Variants in SIK2 observed in about 807,000 individuals in gnomAD.
The protein encoded by SIK2 is salt inducible kinase 2, also known as serine/threonine-protein kinase SIK2.
In SIK2, 29 loss-of-function variants were observed where a neutral mutation model predicts 103.2. The ratio of observed to expected loss-of-function variants is 0.28; its 90% CI spans 0.21 to 0.38. SIK2 has a LOEUF of 0.38. Ranked by LOEUF, SIK2 falls within the 10% of genes least tolerant of loss-of-function variation. The pLI is 1.00. For missense variants in SIK2, 879 were observed against 1,171.0 expected, an observed-to-expected ratio of 0.75 and a Z score of 3.64; for synonymous variants, 412 against 446.1, an observed-to-expected ratio of 0.92 and a Z score of 0.96.
intron 3 of SIK2, among the ~76,000 whole-genome samples, chr11:111,633,148 T>G (rs1009829905): frequency 2.0e-5 from 3 of 152,192 alleles, no homozygotes; most frequent in Non-Finnish European, 4.4e-5. Context: ...AGCCCTTTGC[T>G]CTCTGCCTAT....
At chr11:111,690,711 G>A (rs1384537738) in intron 4 of SIK2, among the ~76,000 whole-genome samples, 1 of 151,646 alleles carries the variant, frequency 6.6e-6, no homozygotes, top group Non-Finnish European at 1.5e-5. Context: ...AACATGTGGT[G>A]TTTGGTTTTC....
At chr11:111,713,105 C>CA (rs1487206561) in intron 9 of SIK2, among the ~76,000 whole-genome samples, 1 of 152,158 alleles carries the variant, frequency 6.6e-6, no homozygotes, top group Non-Finnish European at 1.5e-5. Flanking sequence ...GCCGAGGTGG[C>CA]AGTGAGCCGA....
intron 9 of SIK2, among the ~76,000 whole-genome samples, chr11:111,717,919 G>A (rs563934880): frequency 6.6e-6 from 1 of 152,232 alleles, no homozygotes; most frequent in Admixed American, 6.5e-5. Context: ...GGCCTGTTAG[G>A]GGGGCAATGG....
intron 8 of SIK2, among the ~76,000 whole-genome samples, chr11:111,709,031 G>T (rs1012338778): frequency 6.6e-6 from 1 of 152,204 alleles, no homozygotes; most frequent in African/African-American, 2.4e-5. Flanking sequence ...ACAACAGGTT[G>T]TGCCTGTTTG....
chr11:111,710,110 A>G lies in SIK2; in HGVS notation c.1102-2101A>G, dbSNP rs867269134. Among the ~76,000 whole-genome samples, 6 of 152,366 alleles carry G rather than the reference A, an allele frequency of 3.9e-5. No individual in the cohort carries two copies. In the Middle Eastern group the frequency reaches 0.01, roughly 259 times the overall value. ...AGTTTTATCCTTTGATTGAAAAGCT[A>G]TTGATGGGGGTAAGAAGAATGTAGC... On this transcript the variant is annotated intron_variant, in intron 8 of 14. Coordinates refer to ENST00000304987, the MANE Select transcript of SIK2 (RefSeq NM_015191.3).
chr11:111,702,493 G>T (rs1275481207), intron 6 of SIK2, among the ~76,000 whole-genome samples: 2 of 152,188 alleles, frequency 1.3e-5, no homozygotes, highest in Non-Finnish European at 2.9e-5. Context: ...GGAAGCTGAG[G>T]CAGAAGGATT....
At chr11:111,620,235 C>T in intron 2 of SIK2, 104 bp from the exon 3 acceptor site, 1 of 766,102 alleles carries the variant, frequency 1.3e-6, no homozygotes, top group South Asian at 1.6e-5. Context: ...TTGTTCATAA[C>T]TGTGATTCTT....
At position 111,654,305 on chromosome 11, in the gene SIK2, G is replaced by A. The variant is rs537578896; in HGVS notation, c.317-33696G>A. On this transcript the variant is annotated intron_variant, in intron 3 of 14. Transcript: ENST00000304987. ...TAGAGTATCTAATTTCCTTTTCTCT[G>A]CCAGATATTTTATTTGCCTGTTGAA... is the stretch of plus-strand genomic sequence containing the variant. 6.6e-5 allele frequency among the ~76,000 whole-genome samples: 10 copies of A among 152,232 alleles called. 1 individual carries two copies. The South Asian group carries it at 2.1e-3, about 32-fold the overall frequency.
In SIK2 at chr11:111,730,828, TAAAATA is replaced by T. The variant is rs1944166766; in HGVS notation, c.*6704_*6709del. On this transcript the variant is annotated 3_prime_UTR_variant, in exon 15 of 15. Transcript: ENST00000304987. The stretch of plus-strand genomic sequence containing the variant: ...TTTTATGTTTCCAACCCTCTTGAAT[TAAAATA>T]AAAACAACTTCTTTTCTAAGAGCCC... 6.6e-6 allele frequency: 1 copy of T among 152,202 alleles called. No individual in the cohort carries two copies. The allele number at this position is 152,202 out of a possible 1,614,324, so 9.4% of individuals were successfully genotyped here.
At position 111,711,050 on chromosome 11, in the gene SIK2, G is replaced by C. The variant is rs191323305; in HGVS notation, c.1102-1161G>C. 4.5e-3 allele frequency among the ~76,000 whole-genome samples: 684 copies of C among 152,150 alleles called. 4 individuals carry two copies. The highest frequency in any genetic ancestry group is 7.2e-3 in the Non-Finnish European group (491 of 67,996). On this transcript the variant is annotated intron_variant, in intron 8 of 14. Coordinates refer to ENST00000304987, the MANE Select transcript of SIK2 (RefSeq NM_015191.3). ...AGTTTTGAAGGGATGGTGATGAAAG[G>C]ATCATTCAGCAGCTTCATCTTTAAA... is the stretch of plus-strand genomic sequence containing the variant.
intron 3 of SIK2, among the ~76,000 whole-genome samples, chr11:111,676,973 A>G (rs886348368): frequency 5.9e-5 from 9 of 152,344 alleles, no homozygotes; most frequent in African/African-American, 1.7e-4. Context: ...ATAGCACACA[A>G]TATCAGTAGT....
intron 8 of SIK2, 133 bp from the exon 9 acceptor site, chr11:111,712,077 CT>C: frequency 1.1e-6 from 1 of 941,260 alleles, no homozygotes; most frequent in Non-Finnish European, 1.6e-6. Context: ...TTCACTAAAT[CT>C]TTCTGGAGTT....
chr11:111,675,023 T>C (rs1942684202), intron 3 of SIK2, among the ~76,000 whole-genome samples: 1 of 152,230 alleles, frequency 6.6e-6, no homozygotes, highest in African/African-American at 2.4e-5. Flanking sequence ...GTGCTGGGAC[T>C]ACAGGTGTGA....
chr11:111,628,416 A>ATCTTTCTCTTTCTTTCTTTCTT (rs1941989828), intron 3 of SIK2, among the ~76,000 whole-genome samples: 1 of 125,574 alleles, frequency 8.0e-6, no homozygotes, highest in East Asian at 3.0e-4. Context: ...CCGCTTTCAT[A>ATCTTTCTCTTTCTTTCTTTCTT]TCTTTCTTTC....
rs1241621285 is a variant in SIK2, at chr11:111,729,044, C to CA, written c.*4915_*4916insA. ...AGGTTCTACAGTGTGGTCTGAAGCACCTGTAATGTCAGAGCCCTTGTCTGG... is the reference window on the plus strand; with the variant it reads ...AGGTTCTACAGTGTGGTCTGAAGCACACTGTAATGTCAGAGCCCTTGTCTGG... On this transcript the variant is annotated 3_prime_UTR_variant, in exon 15 of 15. Coordinates refer to ENST00000304987, the MANE Select transcript of SIK2 (RefSeq NM_015191.3). 2 of 152,248 alleles carry CA rather than the reference C, an allele frequency of 1.3e-5. No individual in the cohort carries two copies. The highest frequency in any genetic ancestry group is 3.8e-4 in the East Asian group (2 of 5,202). 9.4% of individuals were successfully genotyped at this position (152,248 alleles called of 1,614,324 possible).
In SIK2 at chr11:111,726,921, G is replaced by A. The variant is rs369377901; in HGVS notation, c.*2792G>A. ...TTTCGTTCGGCAAAAAGTGCAATAT[G>A]TGTGGTACTTTATTTTTTATGTTCT... On this transcript the variant is annotated 3_prime_UTR_variant, in exon 15 of 15. Transcript: ENST00000304987. 18 of 1,588,926 alleles carry A rather than the reference G, an allele frequency of 1.1e-5. No homozygotes were observed. In the African/African-American group the frequency reaches 2.4e-4, roughly 21 times the overall value.
At chr11:111,642,474 C>T (rs368756245) in intron 3 of SIK2, among the ~76,000 whole-genome samples, 10 of 152,206 alleles carry the variant, frequency 6.6e-5, no homozygotes, top group South Asian at 2.1e-4. Context: ...AACAGCCAAA[C>T]GGAAGAAATA....
intron 3 of SIK2, among the ~76,000 whole-genome samples, chr11:111,652,884 G>A (rs1024907866): frequency 6.6e-6 from 1 of 152,168 alleles, no homozygotes; most frequent in African/African-American, 2.4e-5. Context: ...AGGCAGGTGA[G>A]TCTTGGTTTT....
chr11:111,643,443 C>T (rs1262679712), intron 3 of SIK2, among the ~76,000 whole-genome samples: 1 of 151,762 alleles, frequency 6.6e-6, no homozygotes, highest in African/African-American at 2.4e-5. Context: ...CCTGTACGTT[C>T]TGCCATTGTA....
Sources: allele counts gnomAD v4.1 joint callset (sites outside exome capture counted in the v4.1 genomes callset), GRCh38; gene constraint gnomAD v4.1.1; transcripts MANE v1.5; gene names NCBI Gene and HGNC (gene_info 2026-07-23, HGNC 2026-07-21).